SGCZ: variants seen among roughly 807,000 people sequenced by gnomAD.
SGCZ encodes the protein sarcoglycan zeta, also known as zeta-sarcoglycan.
In SGCZ, 40 loss-of-function variants were observed where a neutral mutation model predicts 41.3. The ratio of observed to expected loss-of-function variants is 0.97; its 90% CI spans 0.75 to 1.26. SGCZ has a LOEUF of 1.26. Ranked by LOEUF, SGCZ falls within the 50% of genes most tolerant of loss-of-function variation. The probability of loss-of-function intolerance (pLI) is 0.00; values close to 1 mark genes in which losing one functional copy is unlikely to be tolerated. For synonymous variants in SGCZ, 206 were observed against 137.5 expected (o/e 1.50, Z -3.49); for missense variants, 552 against 369.8 (o/e 1.49, Z -4.04).
At chr8:14,891,420 A>T (rs1460469362) in intron 1 of SGCZ, among the ~76,000 whole-genome samples, 1 of 152,210 alleles carries the variant, frequency 6.6e-6, no homozygotes, top group African/African-American at 2.4e-5. Flanking sequence ...GGAGGTAGAA[A>T]ATGCAAAATA....
chr8:14,304,390 T>G (rs1235994489), intron 3 of SGCZ, among the ~76,000 whole-genome samples: 1 of 152,070 alleles, frequency 6.6e-6, no homozygotes, highest in Non-Finnish European at 1.5e-5. Flanking sequence ...GCCCATGAGT[T>G]TGAGACCAGC....
intron 1 of SGCZ, among the ~76,000 whole-genome samples, chr8:14,803,253 G>C (rs930582657): frequency 6.6e-6 from 1 of 152,034 alleles, no homozygotes; most frequent in Admixed American, 6.5e-5. Context: ...AACAGCTCCT[G>C]TCTACAGCTC....
intron 1 of SGCZ, among the ~76,000 whole-genome samples, chr8:15,081,291 G>A (rs917084528): frequency 6.6e-6 from 1 of 152,092 alleles, no homozygotes; most frequent in Non-Finnish European, 1.5e-5. Flanking sequence ...ATGACAAAAG[G>A]AGTAATGTCA....
intron 1 of SGCZ, among the ~76,000 whole-genome samples, chr8:14,881,868 A>G (rs117228567): frequency 0.05 from 7,570 of 152,282 alleles, 224 homozygotes; most frequent in Non-Finnish European, 0.061. Flanking sequence ...AACTGACATC[A>G]TAACAGTCTC....
chr8:14,749,761 A>G (rs925894521), intron 1 of SGCZ, among the ~76,000 whole-genome samples: 3 of 152,280 alleles, frequency 2.0e-5, no homozygotes, highest in Admixed American at 2.0e-4. Context: ...GAGTAAAACT[A>G]AGATTTTTAC....
chr8:14,863,712 C>G (rs1803830612), intron 1 of SGCZ, among the ~76,000 whole-genome samples: 1 of 152,112 alleles, frequency 6.6e-6, no homozygotes. Context: ...TAAACTGCTG[C>G]TGCTGATAAA....
intron 2 of SGCZ, among the ~76,000 whole-genome samples, chr8:14,354,222 T>C (rs1301527125): frequency 6.6e-6 from 1 of 151,974 alleles, no homozygotes; most frequent in Non-Finnish European, 1.5e-5. Context: ...ACACAGTGCC[T>C]AATAAAGAAA....
chr8:14,686,834 G>T (rs1362649533), intron 1 of SGCZ, among the ~76,000 whole-genome samples: 3 of 152,104 alleles, frequency 2.0e-5, no homozygotes, highest in Non-Finnish European at 2.9e-5. Flanking sequence ...ATCAGCTAAA[G>T]AGAGTAAGAT....
chr8:14,581,267 CT>C (rs2117258728), intron 1 of SGCZ, among the ~76,000 whole-genome samples: 1 of 152,102 alleles, frequency 6.6e-6, no homozygotes, highest in Non-Finnish European at 1.5e-5. Flanking sequence ...ACCACAACAC[CT>C]GCCTGATTTT....
At chr8:14,200,508 G>A (rs190554845) in intron 4 of SGCZ, among the ~76,000 whole-genome samples, 3 of 152,052 alleles carry the variant, frequency 2.0e-5, no homozygotes, top group African/African-American at 7.2e-5. Flanking sequence ...CTGACCAATC[G>A]ACCAATAGGA....
At chr8:14,693,593 T>C (rs1311617361) in intron 1 of SGCZ, among the ~76,000 whole-genome samples, 3 of 139,662 alleles carry the variant, frequency 2.1e-5, no homozygotes, top group Non-Finnish European at 4.7e-5. Flanking sequence ...TTTTTTTTTT[T>C]TTTTTTTTTT....
chr8:14,129,943 T>C (rs948152567), intron 5 of SGCZ, among the ~76,000 whole-genome samples: 1 of 152,204 alleles, frequency 6.6e-6, no homozygotes, highest in African/African-American at 2.4e-5. Context: ...AATGCAATCC[T>C]TATCAAAATC....
In SGCZ at chr8:14,133,100, A is replaced by C. The variant is rs117666736; in HGVS notation, c.548-24865T>G. Among the ~76,000 whole-genome samples, 66 of 152,220 alleles carry C rather than the reference A, an allele frequency of 4.3e-4. No homozygotes were observed. In the East Asian group the frequency reaches 0.012, roughly 28 times the overall value. ...TGGCTCTGTATTGGGGCACTCTTTC[A>C]ACACTTAGCCAGGGGACTGAGCCTG... is the stretch of plus-strand genomic sequence containing the variant. On this transcript the variant is annotated intron_variant, in intron 5 of 7. Transcript: ENST00000382080.
chr8:14,900,086 C>A (rs1180604438), intron 1 of SGCZ, among the ~76,000 whole-genome samples: 1 of 152,008 alleles, frequency 6.6e-6, no homozygotes, highest in African/African-American at 2.4e-5. Context: ...ATAAACTCTC[C>A]CAAGCCCCTA....
At chr8:14,093,320 T>C (rs11775245) in intron 7 of SGCZ, among the ~76,000 whole-genome samples, 34,036 of 151,950 alleles carry the variant, frequency 0.22, 4,032 homozygotes, top group Middle Eastern at 0.27. Context: ...AGTGAACTTT[T>C]AAGAAACGCA....
At chr8:14,665,386 C>A (rs1208005918) in intron 1 of SGCZ, among the ~76,000 whole-genome samples, 1 of 152,134 alleles carries the variant, frequency 6.6e-6, no homozygotes, top group African/African-American at 2.4e-5. Context: ...TGTATACGTG[C>A]CACATCGTCT....
At chr8:15,186,501 G>T (rs1226751230) in intron 1 of SGCZ, among the ~76,000 whole-genome samples, 1 of 152,036 alleles carries the variant, frequency 6.6e-6, no homozygotes, top group Non-Finnish European at 1.5e-5. Flanking sequence ...AAAGAATGGT[G>T]AACACAGTCC....
chr8:14,551,209 T>C (rs923451781), intron 2 of SGCZ, among the ~76,000 whole-genome samples: 1 of 148,876 alleles, frequency 6.7e-6, no homozygotes, highest in Non-Finnish European at 1.5e-5. Flanking sequence ...CAGTACTTTA[T>C]TATTGTAACA....
At chr8:14,839,533 ATTTG>A (rs1411468117) in intron 1 of SGCZ, among the ~76,000 whole-genome samples, 1 of 152,204 alleles carries the variant, frequency 6.6e-6, no homozygotes, top group African/African-American at 2.4e-5. Flanking sequence ...AAGCACTAAC[ATTTG>A]TTTTACAATA....
Sources: allele counts gnomAD v4.1 joint callset (sites outside exome capture counted in the v4.1 genomes callset), GRCh38; gene constraint gnomAD v4.1.1; transcripts MANE v1.5; gene names NCBI Gene and HGNC (gene_info 2026-07-23, HGNC 2026-07-21).